The following GRM5 variants were observed in gnomAD, a reference collection of about 807,000 sequenced individuals.
GRM5 encodes the protein glutamate metabotropic receptor 5, also known as metabotropic glutamate receptor 5.
A neutral mutation model predicts 83.1 loss-of-function variants in GRM5; 19 were observed. The observed-to-expected ratio is 0.23, with a 90% CI of 0.16 to 0.34. The LOEUF is 0.34. Ranked by LOEUF, GRM5 falls within the 10% of genes least tolerant of loss-of-function variation. The probability of loss-of-function intolerance (pLI) is 1.00; values close to 1 mark genes in which losing one functional copy is unlikely to be tolerated. For synonymous variants in GRM5, 675 were observed against 633.6 expected (o/e 1.07, Z -0.98); for missense variants, 1,160 against 1,588.3 (o/e 0.73, Z 4.58).
chr11:88,588,871 A>G (rs1937596299), intron 7 of GRM5, among the ~76,000 whole-genome samples: 1 of 152,180 alleles, frequency 6.6e-6, no homozygotes, highest in Admixed American at 6.5e-5. Flanking sequence ...GGACCAGGAT[A>G]TAGGCAACAA....
At chr11:88,996,934 A>G (rs1940202255) in intron 2 of GRM5, among the ~76,000 whole-genome samples, 1 of 152,236 alleles carries the variant, frequency 6.6e-6, no homozygotes, top group South Asian at 2.1e-4. Context: ...GAACTTTTTT[A>G]AATCATTGAA....
chr11:88,648,127 A>T (rs188640347), intron 4 of GRM5, among the ~76,000 whole-genome samples: 2 of 152,104 alleles, frequency 1.3e-5, no homozygotes, highest in African/African-American at 4.8e-5. Context: ...CTAGAAATAC[A>T]ATTTGACCCA....
intron 2 of GRM5, among the ~76,000 whole-genome samples, chr11:89,027,644 T>C (rs1459567782): frequency 6.6e-6 from 1 of 152,196 alleles, no homozygotes; most frequent in Non-Finnish European, 1.5e-5. Context: ...GACCGTGACA[T>C]CTAAATCCTG....
intron 3 of GRM5, among the ~76,000 whole-genome samples, chr11:88,698,735 T>G (rs6483376): frequency 0.98 from 148,581 of 152,268 alleles, 72,614 homozygotes; most frequent in East Asian, 1. Context: ...TAGACTGCAG[T>G]CTCAGTGAAG....
intron 2 of GRM5, among the ~76,000 whole-genome samples, chr11:88,913,911 T>C (rs561274927): frequency 1.3e-5 from 2 of 152,182 alleles, no homozygotes; most frequent in South Asian, 4.1e-4. Flanking sequence ...GGTCACACAA[T>C]ACTGTTTTCT....
At chr11:88,858,329 C>T (rs887477911) in intron 2 of GRM5, among the ~76,000 whole-genome samples, 5 of 152,012 alleles carry the variant, frequency 3.3e-5, no homozygotes, top group African/African-American at 7.2e-5. Context: ...AACTATGCAT[C>T]GCCCCACTCG....
intron 3 of GRM5, among the ~76,000 whole-genome samples, chr11:88,737,178 A>G (rs962030415): frequency 6.6e-6 from 1 of 152,072 alleles, no homozygotes; most frequent in Non-Finnish European, 1.5e-5. Context: ...ATACATTCTC[A>G]TAAGTTACTG....
At chr11:88,858,223 T>C (rs1243133916) in intron 2 of GRM5, among the ~76,000 whole-genome samples, 2 of 152,102 alleles carry the variant, frequency 1.3e-5, no homozygotes, top group Non-Finnish European at 2.9e-5. Flanking sequence ...GAATGGATTA[T>C]GTCGTAACAT....
At chr11:88,945,135 C>T (rs996568543) in intron 2 of GRM5, among the ~76,000 whole-genome samples, 20 of 151,722 alleles carry the variant, frequency 1.3e-4, no homozygotes, top group Non-Finnish European at 5.9e-5. Flanking sequence ...CACATACACA[C>T]ACACACACAC....
intron 2 of GRM5, among the ~76,000 whole-genome samples, chr11:88,945,279 TAATTA>T (rs200407726): frequency 0.01 from 1,582 of 152,040 alleles, 28 homozygotes; most frequent in African/African-American, 0.035. Flanking sequence ...TCATGTTCAT[TAATTA>T]AAAGAATAAA....
chr11:89,022,513 G>A (rs764707962), intron 2 of GRM5, among the ~76,000 whole-genome samples: 5 of 149,092 alleles, frequency 3.4e-5, no homozygotes, highest in African/African-American at 1.0e-4. Flanking sequence ...ATAGACAGAC[G>A]TTGTGGCACA....
intron 2 of GRM5, among the ~76,000 whole-genome samples, chr11:88,950,957 G>C (rs1201614124): frequency 1.3e-5 from 2 of 152,186 alleles, no homozygotes; most frequent in Admixed American, 6.5e-5. Flanking sequence ...CCAGTTTTAT[G>C]AGACCATCAG....
At chr11:88,700,981 TCCCACTTAA>T (rs1941019857) in intron 3 of GRM5, among the ~76,000 whole-genome samples, 1 of 152,112 alleles carries the variant, frequency 6.6e-6, no homozygotes, top group South Asian at 2.1e-4. Flanking sequence ...ATATGAGTGG[TCCCACTTAA>T]CCATCACTCC....
chr11:88,729,686 C>T (rs561040468), intron 3 of GRM5, among the ~76,000 whole-genome samples: 1 of 152,206 alleles, frequency 6.6e-6, no homozygotes, highest in South Asian at 2.1e-4. Context: ...ATAAATAGAC[C>T]AATGGAACAG....
In GRM5 at chr11:88,963,474, G is replaced by A. The variant is rs114979309; in HGVS notation, c.661+83738C>T. Among the ~76,000 whole-genome samples the A allele has an allele frequency of 5.5e-3, 830 of 152,280 alleles. 8 individuals carry two copies. The highest frequency in any genetic ancestry group is 0.019 in the African/African-American group (783 of 41,556). Reference sequence around the variant, plus strand: ...CAACATCTGTGTTATGTTTCAAAAGGAGAAGAAGTAATAAACTTGCCATCC... The same window carrying A: ...CAACATCTGTGTTATGTTTCAAAAGAAGAAGAAGTAATAAACTTGCCATCC... On this transcript the variant is annotated intron_variant, in intron 2 of 9. Transcript: ENST00000305447.
intron 4 of GRM5, among the ~76,000 whole-genome samples, chr11:88,635,877 G>C (rs920261988): frequency 9.2e-5 from 14 of 152,026 alleles, no homozygotes; most frequent in Non-Finnish European, 2.1e-4. Context: ...GTGAAGTAAG[G>C]GTCCAATTTT....
At chr11:88,870,690 A>T (rs1159098827) in intron 2 of GRM5, among the ~76,000 whole-genome samples, 1 of 151,544 alleles carries the variant, frequency 6.6e-6, no homozygotes, top group African/African-American at 2.4e-5. Flanking sequence ...GGACACATGG[A>T]TTACCACAAG....
intron 3 of GRM5, among the ~76,000 whole-genome samples, chr11:88,842,352 T>A (rs1944218929): frequency 6.6e-6 from 1 of 152,222 alleles, no homozygotes; most frequent in African/African-American, 2.4e-5. Context: ...AAGGGTGAAC[T>A]GTAGATTTCA....
intron 8 of GRM5, among the ~76,000 whole-genome samples, chr11:88,564,534 A>G (rs1402790060): frequency 3.3e-5 from 5 of 152,116 alleles, no homozygotes; most frequent in Admixed American, 1.3e-4. Context: ...AGTGAGAGAG[A>G]TATCTGTAAT....
Sources: gnomAD v4.1 joint callset for allele counts (sites outside exome capture counted in the v4.1 genomes callset) on GRCh38, gnomAD v4.1.1 for gene constraint, MANE v1.5 for transcripts, NCBI Gene and HGNC (gene_info 2026-07-23, HGNC 2026-07-21) for gene names.